Variants in NTNG1 observed in about 807,000 individuals in gnomAD.
NTNG1 encodes the protein netrin-G1.
Under a neutral mutation model 54.0 loss-of-function variants are expected in NTNG1, and 16 were observed. That is an observed-to-expected ratio of 0.30 (90% CI 0.20 to 0.45). NTNG1 has a LOEUF of 0.45. NTNG1 is among the 20% of genes least tolerant of loss of function. The pLI, the probability that NTNG1 is intolerant of heterozygous loss-of-function variation, is 1.00. For synonymous variants in NTNG1, 255 were observed against 263.1 expected, an observed-to-expected ratio of 0.97 and a Z score of 0.30; for missense variants, 530 against 678.7, an observed-to-expected ratio of 0.78 and a Z score of 2.43.
At chr1:107,335,213 G>A (rs1455439290) in intron 3 of NTNG1, among the ~76,000 whole-genome samples, 2 of 151,942 alleles carry the variant, frequency 1.3e-5, no homozygotes, top group Non-Finnish European at 2.9e-5. Flanking sequence ...GGAATGAACT[G>A]CTCTCATTCT....
At chr1:107,433,857 T>A (rs1675434718) in intron 6 of NTNG1, among the ~76,000 whole-genome samples, 1 of 152,216 alleles carries the variant, frequency 6.6e-6, no homozygotes, top group Non-Finnish European at 1.5e-5. Flanking sequence ...TGGAAGCCTC[T>A]GGCTCCTTTG....
intron 3 of NTNG1, among the ~76,000 whole-genome samples, chr1:107,351,831 A>G (rs1454602814): frequency 2.0e-5 from 3 of 152,222 alleles, no homozygotes; most frequent in African/African-American, 7.2e-5. Context: ...AAAATCAAAA[A>G]CAAGTTAGTT....
chr1:107,349,190 T>A (rs1242071110), intron 3 of NTNG1, among the ~76,000 whole-genome samples: 2 of 152,186 alleles, frequency 1.3e-5, no homozygotes, highest in Non-Finnish European at 2.9e-5. Context: ...TGACATTTCA[T>A]GGATTCCTTC....
chr1:107,477,491 G>A (rs1042955146), intron 7 of NTNG1, among the ~76,000 whole-genome samples: 3 of 152,184 alleles, frequency 2.0e-5, no homozygotes, highest in Non-Finnish European at 4.4e-5. Flanking sequence ...CATCAGAAGG[G>A]TGGATTTAGA....
intron 2 of NTNG1, among the ~76,000 whole-genome samples, chr1:107,150,527 A>G (rs541348158): frequency 2.6e-5 from 4 of 152,332 alleles, no homozygotes; most frequent in African/African-American, 9.6e-5. Context: ...ATTGGTTTAC[A>G]TGACACTTGT....
At chr1:107,431,424 TTGTC>T (rs1321715066) in intron 6 of NTNG1, among the ~76,000 whole-genome samples, 1 of 152,210 alleles carries the variant, frequency 6.6e-6, no homozygotes, top group Non-Finnish European at 1.5e-5. Flanking sequence ...ATGTAAAAGT[TTGTC>T]TGACTTCTTC....
intron 3 of NTNG1, among the ~76,000 whole-genome samples, chr1:107,369,858 G>A (rs990861696): frequency 6.6e-6 from 1 of 151,918 alleles, no homozygotes; most frequent in Non-Finnish European, 1.5e-5. Flanking sequence ...AAAATGTACA[G>A]TTTTAGGTTT....
chr1:107,246,474 T>C (rs552379811), intron 2 of NTNG1, among the ~76,000 whole-genome samples: 84 of 151,950 alleles, frequency 5.5e-4, no homozygotes, highest in Non-Finnish European at 9.9e-4. Flanking sequence ...TAAATGATAC[T>C]ATTATAAATA....
chr1:107,394,444 T>C (rs901323435), intron 3 of NTNG1, among the ~76,000 whole-genome samples: 1 of 152,124 alleles, frequency 6.6e-6, no homozygotes, highest in Non-Finnish European at 1.5e-5. Context: ...TTTTTCTCCT[T>C]TAGGATTCTA....
At chr1:107,355,334 A>C (rs1669876300) in intron 3 of NTNG1, among the ~76,000 whole-genome samples, 1 of 151,584 alleles carries the variant, frequency 6.6e-6, no homozygotes, top group African/African-American at 2.4e-5. Flanking sequence ...CACATAAGGC[A>C]GTAGTTTTCT....
At chr1:107,295,552 C>T (rs146986873) in intron 2 of NTNG1, among the ~76,000 whole-genome samples, 1,934 of 152,114 alleles carry the variant, frequency 0.013, 42 homozygotes, top group African/African-American at 0.044. Context: ...AGGTCCGGTC[C>T]CCTCTTCTTT....
intron 2 of NTNG1, among the ~76,000 whole-genome samples, chr1:107,164,693 C>T (rs11185066): frequency 0.052 from 7,861 of 152,206 alleles, 286 homozygotes; most frequent in African/African-American, 0.11. Flanking sequence ...AAAATATGAA[C>T]GTTGTCAAAT....
intron 2 of NTNG1, among the ~76,000 whole-genome samples, chr1:107,282,306 G>A (rs17018701): frequency 6.6e-6 from 1 of 151,966 alleles, no homozygotes; most frequent in Admixed American, 6.6e-5. Context: ...TTCTCCCTAC[G>A]AACCTTCATC....
At chr1:107,361,235 A>G (rs972021353) in intron 3 of NTNG1, among the ~76,000 whole-genome samples, 3 of 140,934 alleles carry the variant, frequency 2.1e-5, no homozygotes, top group Non-Finnish European at 4.6e-5. Flanking sequence ...TAAAATAAAC[A>G]TATAAATTAT....
chr1:107,459,684 C>T (rs1165604321), intron 7 of NTNG1, among the ~76,000 whole-genome samples: 1 of 152,182 alleles, frequency 6.6e-6, no homozygotes, highest in Non-Finnish European at 1.5e-5. Context: ...ATTTATTATG[C>T]ATTGATGCTA....
chr1:107,330,415 T>C (rs560833553), intron 3 of NTNG1, among the ~76,000 whole-genome samples: 4 of 152,230 alleles, frequency 2.6e-5, no homozygotes, highest in Non-Finnish European at 4.4e-5. Context: ...CAACTATAGC[T>C]CCAAGCCCTG....
At chr1:107,295,097 G>A (rs1394133016) in intron 2 of NTNG1, among the ~76,000 whole-genome samples, 1 of 152,190 alleles carries the variant, frequency 6.6e-6, no homozygotes, top group African/African-American at 2.4e-5. Flanking sequence ...TCTGATATCA[G>A]AAGGTGGTTG....
At chr1:107,414,360 A>G (rs1049277434) in intron 5 of NTNG1, among the ~76,000 whole-genome samples, 3 of 152,184 alleles carry the variant, frequency 2.0e-5, no homozygotes, top group African/African-American at 7.2e-5. Context: ...TTCTTAAAAA[A>G]ATTGGAGAAA....
chr1:107,304,929 C>T (rs1032234660), intron 2 of NTNG1, among the ~76,000 whole-genome samples: 2 of 152,132 alleles, frequency 1.3e-5, no homozygotes, highest in African/African-American at 4.8e-5. Flanking sequence ...ATATTCCCCT[C>T]CCTGTGTCCA....
Sources: allele counts gnomAD v4.1 joint callset (sites outside exome capture counted in the v4.1 genomes callset), GRCh38; gene constraint gnomAD v4.1.1; transcripts MANE v1.5; gene names NCBI Gene and HGNC (gene_info 2026-07-23, HGNC 2026-07-21).